Variants in FRYL observed in about 807,000 individuals in gnomAD.
FRYL encodes protein furry homolog-like.
A neutral mutation model predicts 351.2 loss-of-function variants in FRYL; 150 were observed. The observed-to-expected ratio is 0.43, with a 90% CI of 0.37 to 0.49. The LOEUF is 0.49. Among genes scored for constraint, FRYL ranks in the 20% least tolerant of loss-of-function variants. The pLI is 0.00. For missense variants in FRYL, 3,036 were observed against 3,619.3 expected (o/e 0.84, Z 4.13); for synonymous variants, 1,153 against 1,257.1 (o/e 0.92, Z 1.75).
chr4:48,668,884 C>G (rs759206592), intron 3 of FRYL, among the ~76,000 whole-genome samples: 2 of 152,166 alleles, frequency 1.3e-5, no homozygotes, highest in Non-Finnish European at 2.9e-5. Flanking sequence ...GGGGTTAACC[C>G]TTGGACTGAA....
intron 61 of FRYL, among the ~76,000 whole-genome samples, chr4:48,502,022 C>A (rs145962430): frequency 1.3e-5 from 2 of 152,322 alleles, no homozygotes; most frequent in East Asian, 3.9e-4. Context: ...AAAAAGGATT[C>A]ATTAGAATTT....
intron 8 of FRYL, 24 bp from the exon 9 acceptor site, chr4:48,609,091 T>A (rs200982796): frequency 7.1e-7 from 1 of 1,409,434 alleles, no homozygotes; most frequent in Admixed American, 1.8e-5. Context: ...AGAACAAACA[T>A]AACATTTCAT....
At chr4:48,716,595 T>C (rs1768858086) in intron 1 of FRYL, among the ~76,000 whole-genome samples, 1 of 151,564 alleles carries the variant, frequency 6.6e-6, no homozygotes, top group Admixed American at 6.6e-5. Context: ...CCAGTTAGAA[T>C]GGCAATCATT....
chr4:48,623,216 A>G (rs772967224), intron 4 of FRYL, 37 bp from the exon 5 acceptor site: 1 of 1,137,190 alleles, frequency 8.8e-7, no homozygotes, highest in Non-Finnish European at 1.3e-6. Flanking sequence ...AAATAAAAAT[A>G]AAGCACAAAT....
intron 2 of FRYL, among the ~76,000 whole-genome samples, chr4:48,704,654 A>C (rs1299783696): frequency 6.6e-6 from 1 of 151,864 alleles, no homozygotes; most frequent in Non-Finnish European, 1.5e-5. Flanking sequence ...TCTACTAAAA[A>C]ATACAAAAAA....
chr4:48,691,382 C>T (rs1276385479), intron 2 of FRYL, among the ~76,000 whole-genome samples: 5 of 152,008 alleles, frequency 3.3e-5, no homozygotes, highest in Non-Finnish European at 1.5e-5. Flanking sequence ...GATGAAATGT[C>T]ATCCATCAAT....
At chr4:48,574,610 GAATA>G (rs1241985183) in intron 25 of FRYL, 1 of 152,082 alleles carries the variant, frequency 6.6e-6, no homozygotes, top group Non-Finnish European at 1.5e-5. Flanking sequence ...ATTCTCAAAA[GAATA>G]AATTCTGTGC....
intron 1 of FRYL, among the ~76,000 whole-genome samples, chr4:48,749,233 G>T (rs182986706): frequency 3.9e-5 from 6 of 152,280 alleles, no homozygotes; most frequent in Non-Finnish European, 5.9e-5. Context: ...AACTAACAGA[G>T]AAGCACAGAA....
intron 13 of FRYL, among the ~76,000 whole-genome samples, chr4:48,596,918 T>A (rs970921966): frequency 2.6e-5 from 4 of 151,990 alleles, no homozygotes; most frequent in Admixed American, 6.6e-5. Flanking sequence ...ATGTACTGAT[T>A]GTTGTGAATT....
chr4:48,574,974 G>A (rs1739269954), intron 25 of FRYL, 143 bp downstream of exon 25: 2 of 563,888 alleles, frequency 3.5e-6, no homozygotes, highest in Non-Finnish European at 6.2e-6. Flanking sequence ...ATGTTACATG[G>A]CTAGTTAATT....
In FRYL at chr4:48,634,905, T is replaced by C. The variant is rs184459872; in HGVS notation, c.-80-415A>G. Among the ~76,000 whole-genome samples the C allele has an allele frequency of 1.3e-3, 200 of 152,118 alleles. 1 individual carries two copies. Among genetic ancestry groups the C allele is most frequent in the African/African-American group, 4.2e-3 (176 of 41,518 alleles). On this transcript the variant is annotated intron_variant, in intron 3 of 63. Transcript: ENST00000358350. ...GTGAATAAATGAAACAGGAACGGGA[T>C]TGGGGAACTGAAAAACAACACTACT...
chr4:48,579,644 C>T (rs1285861451), intron 22 of FRYL, among the ~76,000 whole-genome samples: 1 of 152,110 alleles, frequency 6.6e-6, no homozygotes, highest in Non-Finnish European at 1.5e-5. Context: ...AGCTCTTCTC[C>T]AGAGGTATAT....
intron 2 of FRYL, among the ~76,000 whole-genome samples, chr4:48,704,525 C>CAA (rs1560883701): frequency 7.9e-5 from 12 of 152,272 alleles, no homozygotes; most frequent in African/African-American, 2.4e-4. Context: ...AACAACAACA[C>CAA]CACAAGGCTG....
At chr4:48,744,443 T>C (rs1358468463) in intron 1 of FRYL, among the ~76,000 whole-genome samples, 1 of 152,152 alleles carries the variant, frequency 6.6e-6, no homozygotes, top group Non-Finnish European at 1.5e-5. Context: ...ACTTCATAAA[T>C]TAATATTTAC....
At position 48,592,082 on chromosome 4, in the gene FRYL, TTATA is replaced by T. The variant is rs56320005; in HGVS notation, c.1336-1256_1336-1253del. Among the ~76,000 whole-genome samples the T allele has an allele frequency of 7.9e-3, 916 of 116,164 alleles. 22 individuals carry two copies. The highest frequency in any genetic ancestry group is 0.01 in the South Asian group (35 of 3,442). The allele number at this position is 116,164 out of a possible 152,430, so 76.2% of individuals were successfully genotyped here. A position where few individuals can be genotyped will look rare whatever the true frequency, so the allele number is the denominator to read the frequency against. ...GGAATACGGGAAGAAAATAAAGCTC[TTATA>T]TATATATATATATATATATATATAT... On this transcript the variant is annotated intron_variant, in intron 16 of 63. Coordinates refer to ENST00000358350, the MANE Select transcript of FRYL (RefSeq NM_015030.2).
chr4:48,565,087 G>T (rs752846531), intron 29 of FRYL, 44 bp from the exon 30 acceptor site: 2 of 1,149,904 alleles, frequency 1.7e-6, no homozygotes, highest in Admixed American at 4.5e-5. Flanking sequence ...AATTTAAGAG[G>T]TTAAATGTTG....
chr4:48,691,002 C>A (rs538002707), intron 2 of FRYL, among the ~76,000 whole-genome samples: 1 of 152,310 alleles, frequency 6.6e-6, no homozygotes, highest in African/African-American at 2.4e-5. Flanking sequence ...TCTGTGTTCA[C>A]TGCCTCCAGC....
At chr4:48,555,146 T>C (rs1733795185) in intron 35 of FRYL, among the ~76,000 whole-genome samples, 1 of 152,240 alleles carries the variant, frequency 6.6e-6, no homozygotes, top group African/African-American at 2.4e-5. Context: ...TGGCTCCTTT[T>C]AAATTCCTGG....
chr4:48,717,283 A>C (rs142645468), intron 1 of FRYL, among the ~76,000 whole-genome samples: 4,582 of 151,454 alleles, frequency 0.03, 288 homozygotes, highest in African/African-American at 0.1. Flanking sequence ...AATAAAAAAA[A>C]ACAAAAAAAC....
Sources: gnomAD v4.1 joint callset for allele counts (sites outside exome capture counted in the v4.1 genomes callset) on GRCh38, gnomAD v4.1.1 for gene constraint, MANE v1.5 for transcripts, NCBI Gene and HGNC (gene_info 2026-07-23, HGNC 2026-07-21) for gene names.